The following DMD variants were observed in gnomAD, a reference collection of about 807,000 sequenced individuals.
DMD encodes the protein dystrophin.
DMD carries 63 observed loss-of-function variants against 330.1 expected under a neutral mutation model. The observed-to-expected ratio is 0.19, with a 90% CI of 0.16 to 0.24. DMD has a LOEUF of 0.24. Among genes scored for constraint, DMD ranks in the 10% least tolerant of loss-of-function variants. The probability of loss-of-function intolerance (pLI) is 1.00; values close to 1 mark genes in which losing one functional copy is unlikely to be tolerated. For synonymous variants in DMD, 1,223 were observed against 959.8 expected, an observed-to-expected ratio of 1.27 and a Z score of -5.07; for missense variants, 3,344 against 2,684.1, an observed-to-expected ratio of 1.25 and a Z score of -5.43.
rs62589978 is a variant in DMD at position 32,054,088 on chromosome X, T to A, written c.6439-85574A>T. Among the ~76,000 whole-genome samples the A allele has an allele frequency of 5.9e-3, 412 of 69,487 alleles. 5 individuals carry two copies. Among genetic ancestry groups the A allele is most frequent in the African/African-American group, 0.015 (250 of 16,752 alleles). The allele number at this position is 69,487 out of a possible 115,157, so 60.3% of individuals were successfully genotyped here. On this transcript the variant is annotated intron_variant, in intron 44 of 78. Transcript: ENST00000357033. ...TGTGGGGTATGTGTGTGTGTGTGTG[T>A]GAGAGAGAGAGAGAGAGAGAGAGAG...
At chrX:32,485,384 A>G (rs1384960688) in intron 20 of DMD, among the ~76,000 whole-genome samples, 1 of 110,988 alleles carries the variant, frequency 9.0e-6, no homozygotes, top group Non-Finnish European at 1.9e-5. Context: ...GTGGAAAAAT[A>G]CTATGCATGA....
chrX:32,161,885 C>T (rs1344893553), intron 44 of DMD, among the ~76,000 whole-genome samples: 2 of 111,905 alleles, frequency 1.8e-5, no homozygotes, highest in African/African-American at 6.5e-5. Flanking sequence ...TAAAACTATC[C>T]ATTTTGCAGA....
chrX:33,247,308 T>C (rs747714286), intron 1 of DMD, among the ~76,000 whole-genome samples: 1 of 112,095 alleles, frequency 8.9e-6, no homozygotes, highest in African/African-American at 3.2e-5. Flanking sequence ...TTATATATTT[T>C]GTTTCTTATA....
At chrX:32,333,051 T>C (rs191197124) in intron 41 of DMD, among the ~76,000 whole-genome samples, 4 of 111,801 alleles carry the variant, frequency 3.6e-5, no homozygotes, top group Admixed American at 2.9e-4. Flanking sequence ...AAACAATACA[T>C]AGAAAGGTAG....
At chrX:32,648,602 T>G (rs1268238583) in intron 9 of DMD, among the ~76,000 whole-genome samples, 6 of 111,943 alleles carry the variant, frequency 5.4e-5, no homozygotes, top group African/African-American at 1.9e-4. Flanking sequence ...TTTCTGCAGT[T>G]TGTAAAACAA....
intron 23 of DMD, among the ~76,000 whole-genome samples, chrX:32,465,108 T>C (rs2098396911): frequency 8.9e-6 from 1 of 111,989 alleles, no homozygotes; most frequent in South Asian, 3.7e-4. Flanking sequence ...ACCCGAACTT[T>C]CACAAATTAT....
chrX:31,890,127 T>A (rs374132259), intron 47 of DMD, among the ~76,000 whole-genome samples: 1 of 109,245 alleles, frequency 9.2e-6, no homozygotes, highest in African/African-American at 3.3e-5. Context: ...TATAAATCAC[T>A]GTACTTCAGA....
At chrX:32,920,540 T>A (rs1430373059) in intron 2 of DMD, among the ~76,000 whole-genome samples, 1 of 111,993 alleles carries the variant, frequency 8.9e-6, no homozygotes, top group East Asian at 2.8e-4. Flanking sequence ...CCTTTCCCTA[T>A]CCTTCTTATC....
intron 48 of DMD, among the ~76,000 whole-genome samples, chrX:31,841,941 C>G (rs2093325506): frequency 8.9e-6 from 1 of 112,319 alleles, no homozygotes; most frequent in South Asian, 3.7e-4. Flanking sequence ...GTCATTTCAG[C>G]TCTCAAGTCT....
At chrX:32,702,857 T>C (rs1355097296) in intron 7 of DMD, among the ~76,000 whole-genome samples, 4 of 111,561 alleles carry the variant, frequency 3.6e-5, no homozygotes, top group African/African-American at 1.3e-4. Context: ...AGTTATGTGC[T>C]ACAGCCTTAG....
chrX:32,347,509 A>G (rs1275677644), intron 38 of DMD, among the ~76,000 whole-genome samples: 4 of 111,778 alleles, frequency 3.6e-5, no homozygotes, highest in Non-Finnish European at 7.5e-5. Flanking sequence ...ACCAAACCCC[A>G]TACATGGGGA....
intron 7 of DMD, among the ~76,000 whole-genome samples, chrX:32,753,017 C>T (rs913274768): frequency 2.7e-5 from 3 of 110,796 alleles, no homozygotes; most frequent in East Asian, 2.9e-4. Flanking sequence ...AGCATGAAAA[C>T]GGACTAATAC....
rs753474652 is a variant in DMD, at chrX:32,545,188, C to A, written c.2139G>T (p.Gln713His). Residue 713 changes from glutamine (Q) to histidine (H), a missense_variant, in exon 17 of 79, where the codon CAG becomes CAT. Physicochemically the swap from Gln to His is conservative, Grantham distance 24. Transcript: ENST00000357033. ...TCCTAATTTCAGAATCCACAGTAATCTGCCTCTTCTTTTGGGGAGGTGGTG... is the reference window on the plus strand; with the variant it reads ...TCCTAATTTCAGAATCCACAGTAATATGCCTCTTCTTTTGGGGAGGTGGTG... ...LPPPPPQKKR[Q>H]ITVDSEIRKR... is the part of the protein sequence containing the mutation. The A allele has an allele frequency of 2.4e-5, 29 of 1,211,072 alleles. No homozygotes were observed. The highest frequency in any genetic ancestry group is 3.2e-5 in the Non-Finnish European group (29 of 894,967).
At chrX:32,651,037 G>T (rs1230144889) in intron 9 of DMD, among the ~76,000 whole-genome samples, 2 of 111,767 alleles carry the variant, frequency 1.8e-5, no homozygotes, top group Non-Finnish European at 3.8e-5. Flanking sequence ...AGGTTGTTTG[G>T]ATTCCAAAAC....
intron 1 of DMD, among the ~76,000 whole-genome samples, chrX:33,312,435 T>C (rs759565465): frequency 3.6e-5 from 4 of 111,465 alleles, no homozygotes; most frequent in Non-Finnish European, 7.5e-5. Context: ...TGTACAAATA[T>C]ATAACTTTAC....
chrX:32,845,665 C>G lies in DMD; in HGVS notation c.187-805G>C, dbSNP rs148760247. On this transcript the variant is annotated intron_variant, in intron 3 of 78. Coordinates refer to ENST00000357033, the MANE Select transcript of DMD (RefSeq NM_004006.3). ...GCCCACTGCCAATGCAAACCACTTG[C>G]AAAGTTCTCACCTAAACATTTGGGT... 9.9e-5 allele frequency among the ~76,000 whole-genome samples: 11 copies of G among 111,511 alleles called. No homozygotes were observed. In the East Asian group the frequency reaches 3.1e-3, roughly 32 times the overall value.
At chrX:31,541,873 C>T in intron 55 of DMD, among the ~76,000 whole-genome samples, 1 of 111,496 alleles carries the variant, frequency 9.0e-6, no homozygotes, top group Non-Finnish European at 1.9e-5. Context: ...TTGAAAGACA[C>T]ATGCCAGATT....
chrX:31,483,191 C>T (rs140122727), intron 57 of DMD, among the ~76,000 whole-genome samples: 12,288 of 107,274 alleles, frequency 0.11, 620 homozygotes, highest in East Asian at 0.23. Flanking sequence ...GGACTACAGG[C>T]GCCCGCCACC....
intron 60 of DMD, among the ~76,000 whole-genome samples, chrX:31,415,655 A>T (rs2061837051): frequency 8.9e-6 from 1 of 112,119 alleles, no homozygotes; most frequent in Non-Finnish European, 1.9e-5. Context: ...TGATTCATGA[A>T]AAGTCAATTA....
Sources: gnomAD v4.1 joint callset for allele counts (sites outside exome capture counted in the v4.1 genomes callset) on GRCh38, gnomAD v4.1.1 for gene constraint, MANE v1.5 for transcripts, NCBI Gene and HGNC (gene_info 2026-07-23, HGNC 2026-07-21) for gene names.